The following CHKA variants were observed in gnomAD, a reference collection of about 807,000 sequenced individuals.
CHKA encodes choline kinase alpha.
In CHKA, 34 loss-of-function variants were observed where a neutral mutation model predicts 60.1. That is an observed-to-expected ratio of 0.57 (90% CI 0.43 to 0.75). The LOEUF (loss-of-function observed/expected upper bound fraction) is 0.75, where lower values mean the gene tolerates loss of function less well. CHKA is among the 30% of genes least tolerant of loss of function. The pLI is 0.00. For missense variants in CHKA, 563 were observed against 561.3 expected (o/e 1.00, Z -0.03); for synonymous variants, 217 against 223.1 (o/e 0.97, Z 0.24).
intron 1 of CHKA, among the ~76,000 whole-genome samples, chr11:68,111,065 G>A (rs558402092): frequency 9.6e-4 from 146 of 151,686 alleles, no homozygotes; most frequent in African/African-American, 3.4e-3. Flanking sequence ...AATAGCCAAT[G>A]AAGAATAAAG....
chr11:68,065,356 C>A (rs1339015746), intron 9 of CHKA, among the ~76,000 whole-genome samples: 1 of 152,100 alleles, frequency 6.6e-6, no homozygotes, highest in Non-Finnish European at 1.5e-5. Context: ...TTAACAGGAA[C>A]AAAATAACAT....
intron 1 of CHKA, among the ~76,000 whole-genome samples, chr11:68,105,429 C>T (rs1160087699): frequency 1.5e-5 from 2 of 137,290 alleles, no homozygotes; most frequent in Non-Finnish European, 3.0e-5. Context: ...GCAAGAGAAT[C>T]GCTTAAACAC....
intron 5 of CHKA, 115 bp downstream of exon 5, chr11:68,070,609 A>G (rs1026351203): frequency 9.1e-7 from 1 of 1,095,856 alleles, no homozygotes; most frequent in Non-Finnish European, 1.3e-6. Flanking sequence ...GACACCCTGC[A>G]CTTCAGTGAA....
rs1382228501 is a variant in CHKA at position 68,053,306 on chromosome 11, G to A, written c.*682C>T. ...GCACACTCCATCAGGAGGAAGGGCA[G>A]GGGAGAAGTCACATGCAGTACAGTG... is the stretch of plus-strand genomic sequence containing the variant. On this transcript the variant is annotated 3_prime_UTR_variant, in exon 12 of 12. Coordinates refer to ENST00000265689, the MANE Select transcript of CHKA (RefSeq NM_001277.3). The A allele has an allele frequency of 6.6e-6, 1 of 152,340 alleles. No homozygotes were observed. The highest frequency in any genetic ancestry group is 2.4e-5 in the African/African-American group (1 of 41,468). 9.4% of individuals were successfully genotyped at this position (152,340 alleles called of 1,614,324 possible). A position where few individuals can be genotyped will look rare whatever the true frequency, so the allele number is the denominator to read the frequency against.
At position 68,074,794 on chromosome 11, in the gene CHKA, CAAA is replaced by C; in HGVS notation, c.550_552del (p.Phe184del). ...CCAAGTGACCTCTCTGCGAGAATGG[CAAA>C]CATAACGCTCTCCAGAACCATGGCC... is the stretch of plus-strand genomic sequence containing the variant. On this transcript the variant is annotated inframe_deletion, in exon 4 of 12. Coordinates refer to ENST00000265689, the MANE Select transcript of CHKA (RefSeq NM_001277.3). 6.2e-7 allele frequency: 1 copy of C among 1,614,228 alleles called. No individual in the cohort carries two copies. The highest frequency in any genetic ancestry group is 8.5e-7 in the Non-Finnish European group (1 of 1,180,038).
intron 6 of CHKA, among the ~76,000 whole-genome samples, chr11:68,069,593 A>G (rs1325441482): frequency 6.6e-6 from 1 of 152,002 alleles, no homozygotes; most frequent in Non-Finnish European, 1.5e-5. Context: ...CTGAGGCAGG[A>G]GAATCACTTG....
chr11:68,113,582 G>C (rs1016359439), intron 1 of CHKA, among the ~76,000 whole-genome samples: 3 of 152,044 alleles, frequency 2.0e-5, no homozygotes, highest in African/African-American at 7.2e-5. Flanking sequence ...TGTAATCCCA[G>C]CTACTCAGGA....
intron 2 of CHKA, among the ~76,000 whole-genome samples, chr11:68,095,112 A>G (rs1857455921): frequency 6.6e-6 from 1 of 152,140 alleles, no homozygotes; most frequent in Middle Eastern, 3.2e-3. Context: ...GAAGATTAAA[A>G]TGGATATCAG....
chr11:68,057,028 C>A (rs1044121316), intron 11 of CHKA, among the ~76,000 whole-genome samples: 2 of 152,132 alleles, frequency 1.3e-5, no homozygotes, highest in African/African-American at 2.4e-5. Flanking sequence ...AGGTCTCAAC[C>A]CTCAACCTGT....
At position 68,058,823 on chromosome 11, in the gene CHKA, A is replaced by G. The variant is rs72926473; in HGVS notation, c.1314+3130T>C. Among the ~76,000 whole-genome samples the G allele has an allele frequency of 3.6e-3, 544 of 152,262 alleles. 1 individual carries two copies. The highest frequency in any genetic ancestry group is 8.5e-3 in the Admixed American group (130 of 15,278). The stretch of plus-strand genomic sequence containing the variant: ...ATGCAGTGAGAACAGGCGTCCTTGC[A>G]TGTTCTGTACTTGGGGTGGGGGTCA... On this transcript the variant is annotated intron_variant, in intron 11 of 11. Coordinates refer to ENST00000265689, the MANE Select transcript of CHKA (RefSeq NM_001277.3).
At chr11:68,084,040 C>T (rs573652013) in intron 2 of CHKA, among the ~76,000 whole-genome samples, 2 of 151,722 alleles carry the variant, frequency 1.3e-5, no homozygotes, top group African/African-American at 4.8e-5. Flanking sequence ...AGGTCAGGAG[C>T]TTGAGATCAG....
intron 1 of CHKA, among the ~76,000 whole-genome samples, chr11:68,099,429 A>G (rs1172628179): frequency 6.6e-6 from 1 of 152,230 alleles, no homozygotes; most frequent in Non-Finnish European, 1.5e-5. Flanking sequence ...GTTTTTTCAA[A>G]GGTTACTTAA....
chr11:68,068,231 G>T (rs1407291704), intron 7 of CHKA, among the ~76,000 whole-genome samples: 1 of 152,096 alleles, frequency 6.6e-6, no homozygotes, highest in African/African-American at 2.4e-5. Context: ...GCAGAAGGGG[G>T]AAGGGCCCGG....
At position 68,061,256 on chromosome 11, in the gene CHKA, G is replaced by A. The variant is rs765007628; in HGVS notation, c.1314+697C>T. 2.6e-4 allele frequency among the ~76,000 whole-genome samples: 39 copies of A among 151,874 alleles called. No individual in the cohort carries two copies. The South Asian group carries it at 4.0e-3, about 15-fold the overall frequency. Reference sequence around the variant, plus strand: ...TGAGTAGCTGGGATTACAGGCGCCCGCCACCATGCATGCTAATTTTGGTAT... The same window carrying A: ...TGAGTAGCTGGGATTACAGGCGCCCACCACCATGCATGCTAATTTTGGTAT... On this transcript the variant is annotated intron_variant, in intron 11 of 11. Transcript: ENST00000265689.
intron 8 of CHKA, 136 bp from the exon 9 acceptor site, chr11:68,066,030 C>CTG: frequency 1.7e-6 from 1 of 604,886 alleles, no homozygotes; most frequent in Non-Finnish European, 2.9e-6. Context: ...GGGAGCAGGA[C>CTG]TGTAGCTGCT....
chr11:68,064,780 C>A, intron 9 of CHKA, 149 bp from the exon 10 acceptor site: 1 of 584,222 alleles, frequency 1.7e-6, no homozygotes. Flanking sequence ...GGGCTGGCAC[C>A]AGTGAGCCAA....
intron 1 of CHKA, among the ~76,000 whole-genome samples, chr11:68,102,479 T>C (rs960888124): frequency 5.9e-5 from 9 of 152,174 alleles, no homozygotes; most frequent in African/African-American, 1.9e-4. Context: ...TAAACAGTGT[T>C]GGGAAAACTG....
At chr11:68,095,465 CTT>C in intron 2 of CHKA, among the ~76,000 whole-genome samples, 1 of 135,174 alleles carries the variant, frequency 7.4e-6, no homozygotes, top group African/African-American at 2.8e-5. Context: ...AATCCCAGCA[CTT>C]TGGAGGCCAA....
chr11:68,097,203 A>G (rs1328115641), intron 1 of CHKA, 73 bp from the exon 2 acceptor site: 1 of 1,133,782 alleles, frequency 8.8e-7, no homozygotes, highest in Non-Finnish European at 1.3e-6. Context: ...ATAAATATGG[A>G]TGAAAAGTCA....
Sources: allele counts gnomAD v4.1 joint callset (sites outside exome capture counted in the v4.1 genomes callset), GRCh38; gene constraint gnomAD v4.1.1; transcripts MANE v1.5; gene names NCBI Gene and HGNC (gene_info 2026-07-23, HGNC 2026-07-21).